VWA8: variants seen among roughly 807,000 people sequenced by gnomAD.
VWA8 encodes the protein von Willebrand factor A domain-containing protein 8.
In VWA8, 221 loss-of-function variants were observed where a neutral mutation model predicts 241.5. The ratio of observed to expected loss-of-function variants is 0.91; its 90% CI spans 0.82 to 1.02. The LOEUF is 1.02. Among genes scored for constraint, VWA8 ranks in the 50% least tolerant of loss-of-function variants. The pLI, the probability that VWA8 is intolerant of heterozygous loss-of-function variation, is 0.00. For missense variants in VWA8, 2,322 were observed against 2,328.7 expected, an observed-to-expected ratio of 1.00 and a Z score of 0.06; for synonymous variants, 852 against 827.1, an observed-to-expected ratio of 1.03 and a Z score of -0.52.
At chr13:41,845,036 T>A (rs1872226534) in intron 12 of VWA8, among the ~76,000 whole-genome samples, 1 of 151,962 alleles carries the variant, frequency 6.6e-6, no homozygotes. Flanking sequence ...GCCACACAAA[T>A]AGAAAAAATT....
At chr13:41,579,508 A>G (rs1255935119) in intron 42 of VWA8, among the ~76,000 whole-genome samples, 1 of 152,144 alleles carries the variant, frequency 6.6e-6, no homozygotes, top group Non-Finnish European at 1.5e-5. Flanking sequence ...ACCTCTCTAA[A>G]CCTTGTTTCT....
chr13:41,939,659 T>C (rs1401688610), intron 2 of VWA8, among the ~76,000 whole-genome samples: 1 of 152,160 alleles, frequency 6.6e-6, no homozygotes, highest in Admixed American at 6.6e-5. Flanking sequence ...TTATTTCAGG[T>C]GGTCAATGAA....
intron 2 of VWA8, among the ~76,000 whole-genome samples, chr13:41,931,383 G>GGA (rs1555244421): frequency 1.1e-5 from 1 of 86,958 alleles, no homozygotes; most frequent in African/African-American, 3.8e-5. Context: ...CAGAGATACA[G>GGA]AAAAAAAACA....
intron 43 of VWA8, among the ~76,000 whole-genome samples, chr13:41,573,506 T>TATATATATACAC (rs1439940851): frequency 3.6e-4 from 51 of 141,624 alleles, no homozygotes; most frequent in African/African-American, 1.3e-3. Context: ...TATATATATA[T>TATATATATACAC]ACCTCTCTCT....
intron 12 of VWA8, among the ~76,000 whole-genome samples, chr13:41,858,151 C>A (rs1330526147): frequency 6.6e-6 from 1 of 152,184 alleles, no homozygotes; most frequent in African/African-American, 2.4e-5. Context: ...CCTCCATAAT[C>A]TCACACATCA....
chr13:41,759,374 A>G lies in VWA8; in HGVS notation c.2426+1754T>C, dbSNP rs78430687. ...TTTAAAGATTTTTCTCTTGGTTTTT[A>G]GCAATTTGATTATATGCTATGTAGT... On this transcript the variant is annotated intron_variant, in intron 21 of 44. Transcript: ENST00000379310. 3.7e-3 allele frequency among the ~76,000 whole-genome samples: 561 copies of G among 151,654 alleles called. 18 individuals carry two copies. The East Asian group carries it at 0.093, about 25-fold the overall frequency.
intron 26 of VWA8, among the ~76,000 whole-genome samples, chr13:41,708,715 G>T (rs1465952500): frequency 6.6e-6 from 1 of 152,118 alleles, no homozygotes; most frequent in African/African-American, 2.4e-5. Flanking sequence ...GAGTAATCTA[G>T]ATGTATGAGA....
intron 9 of VWA8, among the ~76,000 whole-genome samples, chr13:41,880,143 T>C (rs1874099696): frequency 6.6e-6 from 1 of 152,164 alleles, no homozygotes; most frequent in Admixed American, 6.5e-5. Context: ...AAACCACTTA[T>C]GACAAAAAAT....
At chr13:41,654,151 A>G (rs1341072469) in intron 37 of VWA8, among the ~76,000 whole-genome samples, 1 of 152,234 alleles carries the variant, frequency 6.6e-6, no homozygotes, top group African/African-American at 2.4e-5. Context: ...AATCAGAAAA[A>G]TCACCACTTT....
At position 41,787,517 on chromosome 13, in the gene VWA8, G is replaced by A; in HGVS notation, c.2090C>T (p.Ala697Val). 6.2e-7 allele frequency: 1 copy of A among 1,610,944 alleles called. No individual in the cohort carries two copies. Among genetic ancestry groups the A allele is most frequent in the Admixed American group, 1.7e-5 (1 of 59,732 alleles). ...AGCATCTGCCAGATTTTTTTCTAAT[G>A]CTGACCTAGCAAGACTGGGTAAAAA... ...SRFLPSLARS[A>V]LEKNLADATI... Residue 697 changes from alanine to valine, a missense_variant, in exon 18 of 45, where the codon GCA becomes GTA. Transcript: ENST00000379310.
rs59345894 is a variant in VWA8 at position 41,729,798 on chromosome 13, GACACACACACACAC to G, written c.2503-135_2503-122del. ...TATTTAAGTTACAAGTATACACGTA[GACACACACACACAC>G]ACACACACACACACACACACACACA... On this transcript the variant is annotated intron_variant, in intron 22 of 44. Coordinates refer to ENST00000379310, the MANE Select transcript of VWA8 (RefSeq NM_015058.2). 156 of 445,192 alleles carry G rather than the reference GACACACACACACAC, an allele frequency of 3.5e-4. 2 individuals carry two copies. Among genetic ancestry groups the G allele is most frequent in the Middle Eastern group, 3.2e-3 (5 of 1,576 alleles). 27.6% of individuals were successfully genotyped at this position (445,192 alleles called of 1,614,324 possible). A position where few individuals can be genotyped will look rare whatever the true frequency, so the allele number is the denominator to read the frequency against.
chr13:41,743,291 G>T (rs1352440278), intron 21 of VWA8, among the ~76,000 whole-genome samples: 1 of 152,212 alleles, frequency 6.6e-6, no homozygotes, highest in Non-Finnish European at 1.5e-5. Flanking sequence ...TACTGCAATA[G>T]TTCAGGCAAG....
At chr13:41,671,968 T>C (rs2045028664) in intron 36 of VWA8, among the ~76,000 whole-genome samples, 1 of 152,208 alleles carries the variant, frequency 6.6e-6, no homozygotes, top group Non-Finnish European at 1.5e-5. Flanking sequence ...CAGAACCATC[T>C]GTAAGAAGCA....
Position 41,865,758 on chromosome 13 carries a change from A to G in VWA8, c.1403T>C (p.Ile468Thr), listed in dbSNP as rs749705341. Residue 468 changes from isoleucine (I) to threonine (T), a missense_variant, in exon 12 of 45, where the codon ATA (isoleucine) becomes ACA (threonine). By Grantham distance (89) the Ile-to-Thr change is moderately conservative. Transcript: ENST00000379310. ...TACCTGATAGAGCATAATAGGTTCT[A>G]TGTTGTATCCTAAGGTATCGGCAAA... ...KNFADTLGYN[I>T]EPIMLYQDMT... 2 of 1,614,106 alleles carry G rather than the reference A, an allele frequency of 1.2e-6. No homozygotes were observed. Among genetic ancestry groups the G allele is most frequent in the Admixed American group, 3.3e-5 (2 of 60,020 alleles).
intron 9 of VWA8, among the ~76,000 whole-genome samples, chr13:41,875,845 A>G (rs576747051): frequency 6.6e-6 from 1 of 152,126 alleles, no homozygotes; most frequent in African/African-American, 2.4e-5. Context: ...TCTCTCCTGA[A>G]ATCTTGACTT....
intron 37 of VWA8, among the ~76,000 whole-genome samples, chr13:41,670,424 G>A (rs2045014101): frequency 6.6e-6 from 1 of 151,556 alleles, no homozygotes; most frequent in Non-Finnish European, 1.5e-5. Flanking sequence ...GCAGGGTTGG[G>A]TCTACTTATT....
chr13:41,571,316 T>TC (rs1233415397), intron 43 of VWA8, among the ~76,000 whole-genome samples: 7 of 131,630 alleles, frequency 5.3e-5, no homozygotes, highest in African/African-American at 2.2e-4. Flanking sequence ...CCCTCCTCCC[T>TC]CTCCCTCTCC....
chr13:41,845,586 T>C (rs531299378), intron 12 of VWA8, among the ~76,000 whole-genome samples: 2 of 151,750 alleles, frequency 1.3e-5, no homozygotes, highest in South Asian at 2.1e-4. Flanking sequence ...CAATGGTGAA[T>C]TGGATAAAGA....
chr13:41,719,386 T>A, intron 26 of VWA8: 2 of 1,400,514 alleles, frequency 1.4e-6, no homozygotes, highest in South Asian at 3.2e-5. Flanking sequence ...TCATGGGACA[T>A]ACATAATAAT....
Sources: gnomAD v4.1 joint callset for allele counts (sites outside exome capture counted in the v4.1 genomes callset) on GRCh38, gnomAD v4.1.1 for gene constraint, MANE v1.5 for transcripts, NCBI Gene and HGNC (gene_info 2026-07-23, HGNC 2026-07-21) for gene names.